The following CDK11A variants were observed in gnomAD, a reference collection of about 807,000 sequenced individuals.
The protein encoded by CDK11A is cyclin dependent kinase 11A, also known as cyclin-dependent kinase 11A.
A neutral mutation model predicts 83.6 loss-of-function variants in CDK11A; 55 were observed. That is an observed-to-expected ratio of 0.66 (90% CI 0.53 to 0.82). The LOEUF is 0.82. Among genes scored for constraint, CDK11A ranks in the 40% least tolerant of loss-of-function variants. CDK11A has a pLI of 0.00. For synonymous variants in CDK11A, 247 were observed against 302.7 expected (o/e 0.82, Z 1.91); for missense variants, 564 against 810.1 (o/e 0.70, Z 3.69).
In CDK11A at chr1:1,716,331, A is replaced by G; in HGVS notation, c.488+15T>C. ...GGCCCTTTCATAAAGTCCTCAACTG[A>G]CCCAGCCCACTCACCTTTCTCTCCT... On this transcript the variant is annotated intron_variant, in intron 5 of 19. Transcript: ENST00000404249. 2.5e-6 allele frequency: 4 copies of G among 1,607,516 alleles called. No individual in the cohort carries two copies. Among genetic ancestry groups the G allele is most frequent in the Non-Finnish European group, 3.4e-6 (4 of 1,175,866 alleles).
intron 17 of CDK11A, 51 bp from the exon 18 acceptor site, chr1:1,703,675 G>C: frequency 6.4e-7 from 1 of 1,559,264 alleles, no homozygotes; most frequent in Non-Finnish European, 8.7e-7. Context: ...CACAGTGTTG[G>C]CACCTGTGTC....
rs768006806 is a variant in CDK11A at position 1,719,314 on chromosome 1, A to T, written c.355+14T>A. ...ACTTGAACATGATGTCAAAGAAAGT[A>T]AATGCTTCTGTACCCCCTTCTGCTG... is the stretch of plus-strand genomic sequence containing the variant. On this transcript the variant is annotated intron_variant, in intron 4 of 19. Coordinates refer to ENST00000404249, the MANE Select transcript of CDK11A (RefSeq NM_024011.4). The T allele has an allele frequency of 6.7e-7, 1 of 1,501,336 alleles. No individual in the cohort carries two copies. Among genetic ancestry groups the T allele is most frequent in the Non-Finnish European group, 8.9e-7 (1 of 1,128,436 alleles). 93.0% of individuals were successfully genotyped at this position (1,501,336 alleles called of 1,614,324 possible). A position where few individuals can be genotyped will look rare whatever the true frequency, so the allele number is the denominator to read the frequency against.
intron 11 of CDK11A, among the ~76,000 whole-genome samples, chr1:1,706,985 C>T (rs954704566): frequency 7.1e-6 from 1 of 141,636 alleles, no homozygotes; most frequent in Non-Finnish European, 1.5e-5. Context: ...TCTGGTCACA[C>T]ATCTACACTG....
chr1:1,722,937 G>A (rs1199227866), intron 1 of CDK11A, 106 bp from the exon 2 acceptor site: 1 of 441,212 alleles, frequency 2.3e-6, no homozygotes, highest in Non-Finnish European at 3.7e-6. Flanking sequence ...TCCTCATTAA[G>A]AATAAGAAGT....
chr1:1,719,604 A>G, intron 3 of CDK11A, 149 bp from the exon 4 acceptor site: 3 of 396,602 alleles, frequency 7.6e-6, no homozygotes, highest in Non-Finnish European at 1.2e-5. Context: ...TAATTCTCCA[A>G]CTTCAGGCAT....
At chr1:1,704,702 C>A in intron 13 of CDK11A, 47 bp from the exon 14 acceptor site, 1 of 1,596,298 alleles carries the variant, frequency 6.3e-7, no homozygotes, top group Non-Finnish European at 8.5e-7. Context: ...AGGCCCCCAC[C>A]CACCCCTGCA....
chr1:1,706,063 C>T (rs1644295646), intron 11 of CDK11A, among the ~76,000 whole-genome samples: 1 of 119,004 alleles, frequency 8.4e-6, no homozygotes, highest in Non-Finnish European at 2.1e-5. Flanking sequence ...GCCAACATAG[C>T]AACACTCTGT....
chr1:1,710,754 C>T (rs1164994510), intron 6 of CDK11A, among the ~76,000 whole-genome samples: 4 of 146,746 alleles, frequency 2.7e-5, no homozygotes, highest in East Asian at 2.0e-4. Context: ...GAAAATGACG[C>T]GTGAACACGA....
At chr1:1,723,560 G>A (rs1311145551) in intron 1 of CDK11A, among the ~76,000 whole-genome samples, 1 of 67,254 alleles carries the variant, frequency 1.5e-5, no homozygotes, top group Non-Finnish European at 3.6e-5. Context: ...AAGGTGGCGA[G>A]CGCCTGTAGT....
chr1:1,712,114 G>A (rs1644498479), intron 6 of CDK11A, 150 bp downstream of exon 6: 2 of 524,326 alleles, frequency 3.8e-6, no homozygotes, highest in Admixed American at 8.8e-5. Context: ...TGGGGGACAA[G>A]AGCAAAACTC....
chr1:1,717,283 C>T (rs1047464850), intron 4 of CDK11A, among the ~76,000 whole-genome samples: 1 of 151,144 alleles, frequency 6.6e-6, no homozygotes, highest in Non-Finnish European at 1.5e-5. Context: ...GCTTTGCTAT[C>T]AGTGGGCTTC....
intron 3 of CDK11A, among the ~76,000 whole-genome samples, 183 bp from the exon 4 acceptor site, chr1:1,719,638 C>CTCGCTCTGTCAACCAGGCT (rs70937183): frequency 7.3e-6 from 1 of 137,302 alleles, no homozygotes; most frequent in African/African-American, 2.8e-5. Flanking sequence ...TTTTTTTAGA[C>CTCGCTCTGTCAACCAGGCT]GGAGTCTCGC....
At chr1:1,718,335 GGTCT>G (rs1422527274) in intron 4 of CDK11A, among the ~76,000 whole-genome samples, 1 of 148,988 alleles carries the variant, frequency 6.7e-6, no homozygotes, top group Non-Finnish European at 1.5e-5. Context: ...CCCTCTGAAC[GGTCT>G]GTGACACACG....
chr1:1,722,445 A>C (rs1177574374), intron 2 of CDK11A: 6 of 745,662 alleles, frequency 8.0e-6, no homozygotes, highest in Non-Finnish European at 1.1e-5. Context: ...CTAATAATGA[A>C]CCGAGAAAAA....
chr1:1,722,469 G>A lies in CDK11A; in HGVS notation c.111+239C>T. 6 of 657,352 alleles carry A rather than the reference G, an allele frequency of 9.1e-6. No homozygotes were observed. In the South Asian group the frequency reaches 1.0e-4, roughly 11 times the overall value. 40.7% of individuals were successfully genotyped at this position (657,352 alleles called of 1,614,324 possible). Reference sequence around the variant, plus strand: ...AACCGAGAAAAATTAGTCCAGTTTTGCTAATGACTTAACATTCAACGTATT... The same window carrying A: ...AACCGAGAAAAATTAGTCCAGTTTTACTAATGACTTAACATTCAACGTATT... On this transcript the variant is annotated intron_variant, in intron 2 of 19. Coordinates refer to ENST00000404249, the MANE Select transcript of CDK11A (RefSeq NM_024011.4).
intron 3 of CDK11A, among the ~76,000 whole-genome samples, chr1:1,720,523 G>C (rs4648776): frequency 4.7e-5 from 7 of 149,856 alleles, no homozygotes; most frequent in Non-Finnish European, 8.9e-5. Flanking sequence ...CTCAGCCTCC[G>C]GAGTAGCTGG....
intron 11 of CDK11A, among the ~76,000 whole-genome samples, chr1:1,706,204 C>G (rs553280638): frequency 6.6e-6 from 1 of 150,422 alleles, no homozygotes; most frequent in Non-Finnish European, 1.5e-5. Context: ...TCCCTAGTAG[C>G]TGGGAGTATA....
rs1180861949 is a variant in CDK11A, at chr1:1,702,784, C to G, written c.*123G>C. 4 of 544,114 alleles carry G rather than the reference C, an allele frequency of 7.4e-6. No homozygotes were observed. Among genetic ancestry groups the G allele is most frequent in the Non-Finnish European group, 1.3e-5 (4 of 298,848 alleles). 33.7% of individuals were successfully genotyped at this position (544,114 alleles called of 1,614,324 possible). A position where few individuals can be genotyped will look rare whatever the true frequency, so the allele number is the denominator to read the frequency against. On this transcript the variant is annotated 3_prime_UTR_variant, in exon 20 of 20. Transcript: ENST00000404249. The stretch of plus-strand genomic sequence containing the variant: ...TTCTACAAATTTACAAACCAAAATA[C>G]AAAAACAAAACATGGAGCACAAAGT...
Position 1,702,660 on chromosome 1 carries a change from T to G in CDK11A, c.*247A>C. The G allele has an allele frequency of 1.7e-6, 1 of 579,182 alleles. No individual in the cohort carries two copies. Among genetic ancestry groups the G allele is most frequent in the Non-Finnish European group, 3.1e-6 (1 of 322,714 alleles). 35.9% of individuals were successfully genotyped at this position (579,182 alleles called of 1,614,324 possible). A position where few individuals can be genotyped will look rare whatever the true frequency, so the allele number is the denominator to read the frequency against. On this transcript the variant is annotated 3_prime_UTR_variant, in exon 20 of 20. Coordinates refer to ENST00000404249, the MANE Select transcript of CDK11A (RefSeq NM_024011.4). ...TGCGTGTCGAGAGTGGGAGAGGGTGTGTGGAGGTTTGTGCTGCCCCACGTG... is the reference window on the plus strand; with the variant it reads ...TGCGTGTCGAGAGTGGGAGAGGGTGGGTGGAGGTTTGTGCTGCCCCACGTG...
Sources: allele counts gnomAD v4.1 joint callset (sites outside exome capture counted in the v4.1 genomes callset), GRCh38; gene constraint gnomAD v4.1.1; transcripts MANE v1.5; gene names NCBI Gene and HGNC (gene_info 2026-07-23, HGNC 2026-07-21).